Variants in FAM47E observed in about 807,000 individuals in gnomAD.
The protein encoded by FAM47E is family with sequence similarity 47 member E.
Under a neutral mutation model 41.6 loss-of-function variants are expected in FAM47E, and 32 were observed. The observed-to-expected ratio is 0.77, with a 90% CI of 0.58 to 1.03. FAM47E has a LOEUF of 1.03. FAM47E is among the 50% of genes least tolerant of loss of function. FAM47E has a pLI of 0.00. For missense variants in FAM47E, 424 were observed against 485.4 expected, an observed-to-expected ratio of 0.87 and a Z score of 1.19; for synonymous variants, 184 against 188.7, an observed-to-expected ratio of 0.98 and a Z score of 0.20.
chr4:76,220,667 CTTCTT>C (rs888114983), intron 2 of FAM47E, among the ~76,000 whole-genome samples: 20 of 152,302 alleles, frequency 1.3e-4, no homozygotes, highest in African/African-American at 4.8e-4. Context: ...ACAGTGCAGA[CTTCTT>C]TTCTTTTCTT....
chr4:76,254,205 C>T (rs1178278314), intron 1 of FAM47E, among the ~76,000 whole-genome samples: 1 of 151,164 alleles, frequency 6.6e-6, no homozygotes, highest in Non-Finnish European at 1.5e-5. Context: ...CCAGTTCTAA[C>T]ATTCTATGAA....
intron 2 of FAM47E, among the ~76,000 whole-genome samples, chr4:76,230,749 C>T (rs531446787): frequency 6.6e-6 from 1 of 152,304 alleles, no homozygotes; most frequent in Non-Finnish European, 1.5e-5. Context: ...GACTTACACT[C>T]ATGAAGCAGG....
Position 76,256,194 on chromosome 4 carries a change from A to G in FAM47E, c.91A>G (p.Lys31Glu). Residue 31 changes from lysine to glutamate, a missense_variant, in exon 2 of 8, where the codon AAG (lysine) becomes GAG (glutamate). Physicochemically the swap from Lys to Glu is moderately conservative, Grantham distance 56. Coordinates refer to ENST00000424749, the MANE Select transcript of FAM47E (RefSeq NM_001136570.3). ...NCRSRCFTKH[K>E]NGLKFPTSLH... ...ACCTTCCAGATGTTTCACAAAGCAC[A>G]AGAACGGGCTGAAGTTCCCCACCTC... is the stretch of plus-strand genomic sequence containing the variant. 7 of 1,551,458 alleles carry G rather than the reference A, an allele frequency of 4.5e-6. No homozygotes were observed. The highest frequency in any genetic ancestry group is 6.1e-6 in the Non-Finnish European group (7 of 1,146,844).
At chr4:76,214,331 T>G in exon 1 of FAM47E, 1 of 454,850 alleles carries the variant, frequency 2.2e-6, no homozygotes, top group African/African-American at 2.0e-5. Flanking sequence ...AACTGGGGCC[T>G]GGGGGATGCA....
intron 5 of FAM47E, among the ~76,000 whole-genome samples, chr4:76,276,012 G>GGACAGACA (rs750155309): frequency 2.3e-4 from 32 of 140,014 alleles, no homozygotes; most frequent in African/African-American, 5.3e-4. Flanking sequence ...ATGATGCATG[G>GGACAGACA]GACAGACAGA....
rs180965045 is a variant in FAM47E at position 76,233,909 on chromosome 4, T to C, written c.81+16221T>C. On this transcript the variant is annotated intron_variant, in intron 2 of 7. Transcript: ENST00000510197. ...GCATCTTCTAAAAGGAAAAGAACTT[T>C]AAAAGTTACTACTGATGGGGTGAAG... 1.2e-4 allele frequency among the ~76,000 whole-genome samples: 18 copies of C among 152,284 alleles called. No individual in the cohort carries two copies. In the East Asian group the frequency reaches 3.5e-3, roughly 29 times the overall value.
Position 76,251,804 on chromosome 4 carries a change from G to T in FAM47E, c.58G>T (p.Val20Leu). ...PGTLAPVREG[V>L]NCRSRCFTKH... is the part of the protein sequence containing the mutation. ...GACGTTGGCCCCGGTGCGCGAGGGC[G>T]TGAACTGCAGGTCCAGGTAAACACT... is the stretch of plus-strand genomic sequence containing the variant. The change falls in exon 1 of 8, where the codon GTG becomes TTG. Residue 20 changes from valine to leucine, a missense_variant. Transcript: ENST00000424749. 2 of 1,488,936 alleles carry T rather than the reference G, an allele frequency of 1.3e-6. No individual in the cohort carries two copies. Among genetic ancestry groups the T allele is most frequent in the Non-Finnish European group, 1.8e-6 (2 of 1,125,796 alleles). 92.2% of individuals were successfully genotyped at this position (1,488,936 alleles called of 1,614,324 possible).
At chr4:76,250,731 C>A (rs1027079674), upstream of FAM47E, among the ~76,000 whole-genome samples, 2 of 152,086 alleles carry the variant, frequency 1.3e-5, no homozygotes, top group African/African-American at 2.4e-5. Context: ...ATAAAAATAA[C>A]AATTGGGCTA....
intron 2 of FAM47E, among the ~76,000 whole-genome samples, chr4:76,218,640 T>C (rs1294672582): frequency 6.6e-6 from 1 of 152,228 alleles, no homozygotes; most frequent in Non-Finnish European, 1.5e-5. Context: ...ATTCCCCTCT[T>C]CAAATTCTTA....
chr4:76,260,478 C>T (rs956799962), intron 2 of FAM47E, among the ~76,000 whole-genome samples: 1 of 152,096 alleles, frequency 6.6e-6, no homozygotes, highest in South Asian at 2.1e-4. Flanking sequence ...GCACCCTATT[C>T]AATAAATGAT....
chr4:76,242,904 T>C (rs890354233), intron 2 of FAM47E, among the ~76,000 whole-genome samples: 3 of 152,214 alleles, frequency 2.0e-5, no homozygotes, highest in African/African-American at 7.2e-5. Flanking sequence ...GTGGATTGCA[T>C]TATACTTCTA....
At chr4:76,272,670 A>G (rs1210276570) in intron 5 of FAM47E, among the ~76,000 whole-genome samples, 1 of 152,160 alleles carries the variant, frequency 6.6e-6, no homozygotes, top group Non-Finnish European at 1.5e-5. Context: ...TAAAAGGTAA[A>G]ATGCAAAATG....
chr4:76,230,055 T>C (rs1190990632), intron 2 of FAM47E, among the ~76,000 whole-genome samples: 1 of 152,182 alleles, frequency 6.6e-6, no homozygotes, highest in Non-Finnish European at 1.5e-5. Context: ...GGATATGTAT[T>C]TGGGTTTCTC....
At chr4:76,233,503 T>TA (rs1159559098) in intron 2 of FAM47E, among the ~76,000 whole-genome samples, 3 of 152,066 alleles carry the variant, frequency 2.0e-5, no homozygotes, top group African/African-American at 7.2e-5. Context: ...TATCTTCCCT[T>TA]AAAAAAATAT....
intron 2 of FAM47E, among the ~76,000 whole-genome samples, chr4:76,237,751 T>C (rs1375694934): frequency 6.6e-6 from 1 of 151,992 alleles, no homozygotes; most frequent in African/African-American, 2.4e-5. Context: ...AGCAGGCACA[T>C]CACATGGCCA....
intron 2 of FAM47E, among the ~76,000 whole-genome samples, chr4:76,261,785 A>C (rs1382954670): frequency 6.6e-6 from 1 of 152,184 alleles, no homozygotes. Context: ...CAACATACTC[A>C]TGTAACACAC....
intron 5 of FAM47E, among the ~76,000 whole-genome samples, chr4:76,275,753 A>G (rs930883440): frequency 6.6e-6 from 1 of 152,162 alleles, no homozygotes; most frequent in Non-Finnish European, 1.5e-5. Context: ...ACAACATAAC[A>G]TATTCCAGAA....
intron 2 of FAM47E, among the ~76,000 whole-genome samples, chr4:76,223,558 GTGTGATCCCAAGACGT>G (rs546535290): frequency 4.1e-4 from 63 of 152,282 alleles, no homozygotes; most frequent in African/African-American, 1.4e-3. Context: ...GCTACTCAAA[GTGTGATCCCAAGACGT>G]TGCATTGGAA....
intron 6 of FAM47E, 84 bp from the exon 7 acceptor site, chr4:76,280,180 G>T: frequency 2.5e-6 from 2 of 813,172 alleles, no homozygotes; most frequent in Admixed American, 2.5e-5. Flanking sequence ...ACTTTATAAG[G>T]AACTAAATGC....
Sources: allele counts gnomAD v4.1 joint callset (sites outside exome capture counted in the v4.1 genomes callset), GRCh38; gene constraint gnomAD v4.1.1; transcripts MANE v1.5; gene names NCBI Gene and HGNC (gene_info 2026-07-23, HGNC 2026-07-21).